PCDH11Y: variants seen among roughly 807,000 people sequenced by gnomAD.
The protein encoded by PCDH11Y is protocadherin 11 Y-linked, also known as protocadherin-11 Y-linked.
For synonymous variants in PCDH11Y, 9 were observed against 83.6 expected (o/e 0.11, Z 4.87); for missense variants, 12 against 224.8 (o/e 0.05, Z 6.05).
intron 2 of PCDH11Y, among the ~76,000 whole-genome samples, chrY:5,211,270 G>GA (rs2052938367): frequency 3.7e-5 from 1 of 26,862 alleles, no homozygotes; most frequent in Non-Finnish European, 8.7e-5. Flanking sequence ...CTAGATCTGG[G>GA]AAATGTTGTC....
rs2053212767 is a variant in PCDH11Y at position 5,385,373 on chromosome Y, G to A, written c.3130-115684G>A. On this transcript the variant is annotated intron_variant, in intron 2 of 4. Coordinates refer to the PCDH11Y transcript ENST00000400457. ...TCTGCATTCTCACAGCTTAGCTCCC[G>A]CTTATGAGTGAGAACATAGGATATT... 1.7e-4 allele frequency among the ~76,000 whole-genome samples: 5 copies of A among 29,786 alleles called. No individual in the cohort carries two copies. The East Asian group carries it at 2.7e-3, about 16-fold the overall frequency. The allele number at this position is 29,786 out of a possible 37,273, so 79.9% of individuals were successfully genotyped here.
At chrY:5,218,141 G>C in intron 2 of PCDH11Y, among the ~76,000 whole-genome samples, 1 of 32,731 alleles carries the variant, frequency 3.1e-5, no homozygotes, top group Admixed American at 2.8e-4. Flanking sequence ...TAAAATTCAT[G>C]TTAGACTCTT....
At chrY:5,400,864 A>G in intron 2 of PCDH11Y, among the ~76,000 whole-genome samples, 3 of 20,336 alleles carry the variant, frequency 1.5e-4, no homozygotes, top group African/African-American at 3.8e-4. Context: ...ATGGGCTTTC[A>G]TATTTTTGAA....
chrY:5,325,487 C>T (rs2053118250), intron 2 of PCDH11Y, among the ~76,000 whole-genome samples: 5 of 32,239 alleles, frequency 1.6e-4, no homozygotes, highest in Admixed American at 2.9e-4. Context: ...GGCCTGGATA[C>T]GGTTTTGTAT....
At chrY:5,338,827 G>A in intron 2 of PCDH11Y, 1 of 290,787 alleles carries the variant, frequency 3.4e-6, no homozygotes, top group African/African-American at 8.4e-5. Context: ...AGGCATAGAT[G>A]TCACGGAGAA....
chrY:5,353,294 A>G (rs2053161806), intron 2 of PCDH11Y, among the ~76,000 whole-genome samples: 4 of 32,475 alleles, frequency 1.2e-4, no homozygotes, highest in Admixed American at 2.9e-4. Flanking sequence ...GTGAGCCACC[A>G]CACCTGGCCT....
At chrY:5,244,697 C>G (rs2052993667) in intron 2 of PCDH11Y, among the ~76,000 whole-genome samples, 1 of 34,318 alleles carries the variant, frequency 2.9e-5, no homozygotes, top group Admixed American at 2.6e-4. Flanking sequence ...CATAGATTCT[C>G]AAAAGCCACT....
chrY:5,353,807 G>C, intron 2 of PCDH11Y, among the ~76,000 whole-genome samples: 1 of 32,207 alleles, frequency 3.1e-5, no homozygotes, highest in Non-Finnish European at 7.6e-5. Context: ...AGACCAGCCT[G>C]ACCAACATGG....
chrY:5,631,096 A>G (rs2124703698), intron 4 of PCDH11Y, among the ~76,000 whole-genome samples: 2 of 27,989 alleles, frequency 7.1e-5, no homozygotes, highest in East Asian at 1.8e-3. Context: ...CAGAAATTCA[A>G]TATGGCCTTT....
chrY:5,406,884 A>G (rs2053239250), intron 2 of PCDH11Y, among the ~76,000 whole-genome samples: 38 of 32,656 alleles, frequency 1.2e-3, no homozygotes, highest in Non-Finnish European at 2.2e-3. Flanking sequence ...AAGGAAAATA[A>G]GAAAAGTCAA....
At chrY:5,673,238 A>AT (rs2053551102) in intron 4 of PCDH11Y, among the ~76,000 whole-genome samples, 1 of 30,647 alleles carries the variant, frequency 3.3e-5, no homozygotes, top group Non-Finnish European at 7.9e-5. Context: ...ACCAAGAAAA[A>AT]ATTTTTTAAT....
chrY:5,558,837 G>A, intron 3 of PCDH11Y, among the ~76,000 whole-genome samples: 1 of 31,155 alleles, frequency 3.2e-5, no homozygotes, highest in African/African-American at 1.2e-4. Flanking sequence ...ATGAAACTAG[G>A]ATATTTAAGA....
intron 2 of PCDH11Y, among the ~76,000 whole-genome samples, chrY:5,133,835 T>C (rs2052836232): frequency 2.4e-4 from 8 of 32,995 alleles, no homozygotes. Context: ...TATCTTTGTC[T>C]ATTCTGAGTC....
intron 3 of PCDH11Y, among the ~76,000 whole-genome samples, chrY:5,044,275 G>A: frequency 3.1e-5 from 1 of 32,754 alleles, no homozygotes; most frequent in Non-Finnish European, 7.4e-5. Context: ...TCTACACACT[G>A]CTTTGAATGC....
At chrY:5,601,377 A>G in intron 4 of PCDH11Y, among the ~76,000 whole-genome samples, 10 of 32,588 alleles carry the variant, frequency 3.1e-4, no homozygotes, top group African/African-American at 1.2e-3. Context: ...TTCTAGAATA[A>G]CTTGAATGTA....
chrY:5,621,409 T>C (rs2053499925), intron 4 of PCDH11Y, among the ~76,000 whole-genome samples: 4 of 32,316 alleles, frequency 1.2e-4, no homozygotes, highest in Non-Finnish European at 2.3e-4. Flanking sequence ...CACAAACAAA[T>C]GGAAAAACAT....
intron 2 of PCDH11Y, among the ~76,000 whole-genome samples, chrY:5,382,210 A>G (rs2053205961): frequency 3.0e-5 from 1 of 33,604 alleles, no homozygotes; most frequent in Non-Finnish European, 7.3e-5. Flanking sequence ...TTAGAGAGCT[A>G]AAGTCCCCTG....
chrY:5,280,827 T>C, intron 2 of PCDH11Y, among the ~76,000 whole-genome samples: 1 of 33,458 alleles, frequency 3.0e-5, no homozygotes, highest in Non-Finnish European at 7.4e-5. Context: ...GGTATTTCAC[T>C]GTGGTTTGGA....
chrY:5,150,763 A>G, intron 2 of PCDH11Y, among the ~76,000 whole-genome samples: 1 of 33,754 alleles, frequency 3.0e-5, no homozygotes, highest in Non-Finnish European at 7.4e-5. Flanking sequence ...AGTTTTCATC[A>G]TCAGCAGTTA....
Sources: allele counts gnomAD v4.1 joint callset (sites outside exome capture counted in the v4.1 genomes callset), GRCh38; gene constraint gnomAD v4.1.1; transcripts MANE v1.5; gene names NCBI Gene and HGNC (gene_info 2026-07-23, HGNC 2026-07-21).